PRR16: variants seen among roughly 807,000 people sequenced by gnomAD.
The protein encoded by PRR16 is proline rich 16, also known as protein Largen.
In PRR16, 6 loss-of-function variants were observed where a neutral mutation model predicts 18.2. The observed-to-expected ratio is 0.33, with a 90% CI of 0.18 to 0.65. The LOEUF is 0.65. PRR16 is among the 30% of genes least tolerant of loss of function. PRR16 has a pLI of 0.74. For synonymous variants in PRR16, 151 were observed against 147.8 expected (o/e 1.02, Z -0.16); for missense variants, 412 against 376.6 (o/e 1.09, Z -0.78).
the PRR16 span, among the ~76,000 whole-genome samples, chr5:120,780,680 A>T: frequency 6.6e-6 from 1 of 152,148 alleles, no homozygotes; most frequent in African/African-American, 2.4e-5. Context: ...TACAATACAC[A>T]TATCGAATAA....
At chr5:120,681,686 G>T (rs532564214) in intron 1 of PRR16, among the ~76,000 whole-genome samples, 1 of 152,012 alleles carries the variant, frequency 6.6e-6, no homozygotes, top group African/African-American at 2.4e-5. Context: ...AGTCTTTGTT[G>T]TCTAAAAATG....
In PRR16 at chr5:120,686,682, G is replaced by GAGGAAGTCAACC; in HGVS notation, c.890_901dup (p.Arg297_Thr300dup). The GAGGAAGTCAACC allele has an allele frequency of 6.4e-7, 1 of 1,559,058 alleles. No individual in the cohort carries two copies. The highest frequency in any genetic ancestry group is 8.7e-7 in the Non-Finnish European group (1 of 1,151,590). On this transcript the variant is annotated inframe_insertion, in exon 2 of 2. Coordinates refer to ENST00000407149, the MANE Select transcript of PRR16 (RefSeq NM_001300783.2). ...CACCAAAACCACAGAAGACGATCTTGAGGAAGTCAACCACTACAACCGTGT... is the reference window on the plus strand; with the variant it reads ...CACCAAAACCACAGAAGACGATCTTGAGGAAGTCAACCAGGAAGTCAACCACTACAACCGTGT...
At position 120,654,696 on chromosome 5, in the gene PRR16, T is replaced by TA. The variant is rs1755906907; in HGVS notation, c.160-31253dup. Reference sequence around the variant, plus strand: ...GTGAGAGAGAATATACTACATCCCTTAAAAAGAATATGATTCTATGAAAAT... The same window carrying TA: ...GTGAGAGAGAATATACTACATCCCTTAAAAAAGAATATGATTCTATGAAAAT... On this transcript the variant is annotated intron_variant, in intron 1 of 1. Coordinates refer to ENST00000407149, the MANE Select transcript of PRR16 (RefSeq NM_001300783.2). Among the ~76,000 whole-genome samples the TA allele has an allele frequency of 2.6e-5, 4 of 151,982 alleles. No homozygotes were observed. In the East Asian group the frequency reaches 7.7e-4, roughly 29 times the overall value.
the PRR16 span, among the ~76,000 whole-genome samples, chr5:120,714,113 TTATAA>T: frequency 2.6e-5 from 4 of 152,112 alleles, no homozygotes; most frequent in African/African-American, 9.7e-5. Context: ...CTTGATATAT[TTATAA>T]TATGATATTA....
intron 1 of PRR16, among the ~76,000 whole-genome samples, chr5:120,608,027 G>A (rs911439159): frequency 6.6e-6 from 1 of 152,108 alleles, no homozygotes; most frequent in South Asian, 2.1e-4. Context: ...GGAGTCACAG[G>A]CATGCAGGCA....
chr5:120,520,090 T>A (rs887773698), intron 1 of PRR16, among the ~76,000 whole-genome samples: 1 of 152,206 alleles, frequency 6.6e-6, no homozygotes, highest in Non-Finnish European at 1.5e-5. Flanking sequence ...AATCAAGTGT[T>A]CCTATTTTGA....
intron 1 of PRR16, among the ~76,000 whole-genome samples, chr5:120,504,448 G>C (rs1268880717): frequency 6.6e-6 from 1 of 152,156 alleles, no homozygotes; most frequent in Non-Finnish European, 1.5e-5. Context: ...AAATTGTGGG[G>C]ATATATCTAA....
intron 1 of PRR16, among the ~76,000 whole-genome samples, chr5:120,500,229 G>C (rs1412493791): frequency 3.3e-5 from 5 of 152,216 alleles, no homozygotes; most frequent in African/African-American, 1.2e-4. Context: ...CAAGCCTTAT[G>C]ATATTTCCAG....
chr5:120,686,511 C>T lies in PRR16; in HGVS notation c.717C>T (p.His239=), dbSNP rs1580883194. 6.2e-7 allele frequency: 1 copy of T among 1,613,874 alleles called. No individual in the cohort carries two copies. The highest frequency in any genetic ancestry group is 1.1e-5 in the South Asian group (1 of 91,066). The part of the protein sequence containing the change: ...REVHLHSEPV[H]PPGKIPHQGP... ...TCCACTTACACAGTGAACCTGTCCA[C>T]CCACCGGGAAAGATTCCTCACCAAG... Residue 239 remains histidine, a synonymous_variant, in exon 2 of 2, where the codon CAC becomes CAT. Coordinates refer to ENST00000407149, the MANE Select transcript of PRR16 (RefSeq NM_001300783.2).
At chr5:120,486,910 T>C (rs1309569702) in intron 1 of PRR16, among the ~76,000 whole-genome samples, 2 of 151,428 alleles carry the variant, frequency 1.3e-5, no homozygotes, top group African/African-American at 2.4e-5. Context: ...GGGAATCCTT[T>C]CCCCATTTCC....
chr5:120,665,037 C>G (rs959976684), intron 1 of PRR16, among the ~76,000 whole-genome samples: 1 of 149,974 alleles, frequency 6.7e-6, no homozygotes, highest in African/African-American at 2.5e-5. Context: ...GCCACACTGA[C>G]TTCCACAATG....
the PRR16 span, among the ~76,000 whole-genome samples, chr5:120,776,854 C>T: frequency 6.6e-6 from 1 of 151,804 alleles, no homozygotes; most frequent in Non-Finnish European, 1.5e-5. Context: ...TTTATTCTGA[C>T]CGTAATTCTT....
the PRR16 span, among the ~76,000 whole-genome samples, chr5:120,710,357 G>C: frequency 1.3e-5 from 2 of 151,950 alleles, no homozygotes; most frequent in Non-Finnish European, 1.5e-5. Context: ...AGTTGTTTTT[G>C]GTTACTGAAA....
At chr5:120,606,697 G>A (rs1754164457) in intron 1 of PRR16, among the ~76,000 whole-genome samples, 2 of 152,076 alleles carry the variant, frequency 1.3e-5, no homozygotes, top group Admixed American at 1.3e-4. Context: ...GAGACCAGGA[G>A]TTAGAGTCAA....
chr5:120,646,048 T>TATA (rs1755584808), intron 1 of PRR16, among the ~76,000 whole-genome samples: 7 of 104,980 alleles, frequency 6.7e-5, no homozygotes, highest in Non-Finnish European at 2.1e-5. Context: ...AATACATATT[T>TATA]TATATATATA....
intron 1 of PRR16, among the ~76,000 whole-genome samples, chr5:120,646,655 T>C (rs1342700688): frequency 2.0e-5 from 3 of 152,020 alleles, no homozygotes; most frequent in African/African-American, 4.8e-5. Flanking sequence ...GGCAATGATA[T>C]GTTAGATATA....
chr5:120,603,646 T>A (rs1251020495), intron 1 of PRR16, among the ~76,000 whole-genome samples: 2 of 151,974 alleles, frequency 1.3e-5, no homozygotes, highest in Non-Finnish European at 2.9e-5. Flanking sequence ...CTAGGTGTGA[T>A]GTTAGGTTAA....
intron 1 of PRR16, among the ~76,000 whole-genome samples, chr5:120,522,781 A>AT (rs142088500): frequency 0.22 from 33,628 of 151,362 alleles, 4,033 homozygotes; most frequent in African/African-American, 0.31. Flanking sequence ...ATTTTATTTT[A>AT]TTTTTTTTGT....
At chr5:120,520,935 G>T (rs987127298) in intron 1 of PRR16, among the ~76,000 whole-genome samples, 1 of 151,682 alleles carries the variant, frequency 6.6e-6, no homozygotes. Context: ...ATAGGTCATG[G>T]TCCCCCATTA....
Sources: gnomAD v4.1 joint callset for allele counts (sites outside exome capture counted in the v4.1 genomes callset) on GRCh38, gnomAD v4.1.1 for gene constraint, MANE v1.5 for transcripts, NCBI Gene and HGNC (gene_info 2026-07-23, HGNC 2026-07-21) for gene names.